Variants in RNF38 observed in about 807,000 individuals in gnomAD.
RNF38 encodes the protein E3 ubiquitin-protein ligase RNF38.
In RNF38, 15 loss-of-function variants were observed where a neutral mutation model predicts 67.2. That is an observed-to-expected ratio of 0.22 (90% confidence interval 0.15 to 0.34). The LOEUF is 0.34. Ranked by LOEUF, RNF38 falls within the 10% of genes least tolerant of loss-of-function variation. The pLI is 1.00. For synonymous variants in RNF38, 220 were observed against 218.8 expected (o/e 1.01, Z -0.05); for missense variants, 524 against 639.9 (o/e 0.82, Z 1.95).
At chr9:36,486,732 T>C (rs1587232164) in intron 1 of RNF38, among the ~76,000 whole-genome samples, 1 of 151,680 alleles carries the variant, frequency 6.6e-6, no homozygotes, top group Non-Finnish European at 1.5e-5. Flanking sequence ...CAGAAGTCTT[T>C]CCCGCTGCGG....
intron 6 of RNF38, 25 bp from the exon 7 acceptor site, chr9:36,353,356 A>AGGAAG: frequency 7.1e-7 from 1 of 1,411,184 alleles, no homozygotes; most frequent in Non-Finnish European, 9.5e-7. Flanking sequence ...AAAAAAACAC[A>AGGAAG]TATATGTATA....
chr9:36,349,863 T>C (rs1347477128), intron 9 of RNF38, among the ~76,000 whole-genome samples: 1 of 152,232 alleles, frequency 6.6e-6, no homozygotes, highest in Non-Finnish European at 1.5e-5. Context: ...CATTTCTTTT[T>C]TCTTTTTCAG....
intron 6 of RNF38, among the ~76,000 whole-genome samples, chr9:36,355,184 C>G (rs1281372982): frequency 2.6e-5 from 4 of 152,172 alleles, no homozygotes; most frequent in African/African-American, 9.7e-5. Flanking sequence ...TGGTACCCAG[C>G]ATGGTATAGA....
At chr9:36,403,348 A>G (rs1180928855), upstream of RNF38, among the ~76,000 whole-genome samples, 1 of 152,248 alleles carries the variant, frequency 6.6e-6, no homozygotes, top group Non-Finnish European at 1.5e-5. Context: ...TGCCCCATCG[A>G]AAAGGCTGCC....
intron 1 of RNF38, among the ~76,000 whole-genome samples, chr9:36,477,523 A>G (rs1840148232): frequency 6.6e-6 from 1 of 151,736 alleles, no homozygotes; most frequent in African/African-American, 2.4e-5. Context: ...AAAAAAGTTT[A>G]AAAGGTTAGT....
intron 1 of RNF38, among the ~76,000 whole-genome samples, chr9:36,460,979 A>G (rs1472633100): frequency 6.6e-6 from 1 of 152,094 alleles, no homozygotes; most frequent in East Asian, 1.9e-4. Flanking sequence ...TTGGGAGGCC[A>G]AAGCAGGTGG....
intron 1 of RNF38, among the ~76,000 whole-genome samples, chr9:36,474,401 A>T (rs1840076682): frequency 6.7e-6 from 1 of 148,926 alleles, no homozygotes; most frequent in Non-Finnish European, 1.5e-5. Flanking sequence ...AAGACTGCAA[A>T]TTCTCTTCAT....
intron 1 of RNF38, among the ~76,000 whole-genome samples, chr9:36,426,420 CAT>C (rs764697874): frequency 1.3e-5 from 2 of 152,160 alleles, no homozygotes; most frequent in Non-Finnish European, 2.9e-5. Flanking sequence ...AATCATAAAA[CAT>C]GTGGTCTTTG....
intron 2 of RNF38, among the ~76,000 whole-genome samples, chr9:36,423,597 C>T (rs1478059656): frequency 6.6e-6 from 1 of 152,146 alleles, no homozygotes; most frequent in East Asian, 1.9e-4. Context: ...ATGTTCCAAA[C>T]GCCCAGCTCA....
chr9:36,477,355 C>T (rs116611544), intron 1 of RNF38, among the ~76,000 whole-genome samples: 7,587 of 151,154 alleles, frequency 0.05, 587 homozygotes, highest in African/African-American at 0.17. Flanking sequence ...TTGCAATCAA[C>T]TCTTTGGTGC....
chr9:36,368,304 G>GT (rs1368963238), intron 4 of RNF38, among the ~76,000 whole-genome samples: 4 of 147,132 alleles, frequency 2.7e-5, no homozygotes, highest in East Asian at 1.9e-4. Flanking sequence ...GACTCAACAC[G>GT]TAACACTACT....
chr9:36,483,089 C>G lies in RNF38; in HGVS notation n.241+4219G>C, dbSNP rs754218540. Among the ~76,000 whole-genome samples, 3 of 152,046 alleles carry G rather than the reference C, an allele frequency of 2.0e-5. No individual in the cohort carries two copies. In the East Asian group the frequency reaches 5.8e-4, roughly 29 times the overall value. On this transcript the variant is annotated intron_variant and non_coding_transcript_variant, in intron 1 of 3. Coordinates refer to the RNF38 transcript ENST00000488058. ...TCTCTATGGTCCTACACAGCAGCAC[C>G]GTTAAGAAGTGTACCGGCCAGGCAC...
At chr9:36,380,750 T>C (rs919863890) in intron 2 of RNF38, among the ~76,000 whole-genome samples, 1 of 152,202 alleles carries the variant, frequency 6.6e-6, no homozygotes, top group Non-Finnish European at 1.5e-5. Context: ...CACCTCGGCC[T>C]CCCACAGTGC....
At chr9:36,435,019 C>G (rs1839029275) in intron 1 of RNF38, among the ~76,000 whole-genome samples, 1 of 152,096 alleles carries the variant, frequency 6.6e-6, no homozygotes, top group Admixed American at 6.5e-5. Flanking sequence ...TCTTTATGTA[C>G]TGATAAAGAA....
At chr9:36,355,042 A>G (rs528757494) in intron 6 of RNF38, among the ~76,000 whole-genome samples, 152 of 152,216 alleles carry the variant, frequency 1.0e-3, no homozygotes, top group Non-Finnish European at 1.8e-3. Flanking sequence ...GGAAGCTGAG[A>G]AGGAGAACAT....
intron 10 of RNF38, among the ~76,000 whole-genome samples, chr9:36,343,124 C>T (rs117480609): frequency 8.2e-4 from 125 of 152,104 alleles, no homozygotes; most frequent in Middle Eastern, 6.8e-3. Flanking sequence ...ATGTATTGCT[C>T]TATTGTTATT....
At chr9:36,360,813 C>A (rs991411408) in intron 4 of RNF38, among the ~76,000 whole-genome samples, 1 of 152,086 alleles carries the variant, frequency 6.6e-6, no homozygotes, top group Non-Finnish European at 1.5e-5. Context: ...CGACCAACTG[C>A]ACACACATTT....
intron 10 of RNF38, among the ~76,000 whole-genome samples, chr9:36,342,881 A>G (rs1832953149): frequency 6.6e-6 from 1 of 152,198 alleles, no homozygotes; most frequent in African/African-American, 2.4e-5. Context: ...AAGCACAAGA[A>G]TTAACAAGAA....
chr9:36,367,276 A>C (rs1835045759), intron 4 of RNF38, among the ~76,000 whole-genome samples: 1 of 152,060 alleles, frequency 6.6e-6, no homozygotes, highest in Non-Finnish European at 1.5e-5. Flanking sequence ...CAGGATACTT[A>C]TTTTATCTAG....
Sources: gnomAD v4.1 joint callset for allele counts (sites outside exome capture counted in the v4.1 genomes callset) on GRCh38, gnomAD v4.1.1 for gene constraint, MANE v1.5 for transcripts, NCBI Gene and HGNC (gene_info 2026-07-23, HGNC 2026-07-21) for gene names.